The following TFG variants were observed in gnomAD, a reference collection of about 807,000 sequenced individuals.
TFG encodes the protein protein TFG.
A neutral mutation model predicts 51.4 loss-of-function variants in TFG; 22 were observed. The observed-to-expected ratio is 0.43, with a 90% CI of 0.31 to 0.61. The LOEUF is 0.61. Ranked by LOEUF, TFG falls within the 20% of genes least tolerant of loss-of-function variation. TFG has a pLI of 0.12. For missense variants in TFG, 419 were observed against 487.7 expected (o/e 0.86, Z 1.33); for synonymous variants, 187 against 165.6 (o/e 1.13, Z -0.99).
chr3:100,736,863 C>A, intron 6 of TFG, 147 bp downstream of exon 6: 2 of 789,748 alleles, frequency 2.5e-6, no homozygotes, highest in Non-Finnish European at 3.9e-6. Context: ...GTTAAAAAAC[C>A]AAATAGAACA....
intron 6 of TFG, 37 bp from the exon 7 acceptor site, chr3:100,744,796 G>T (rs1270798859): frequency 1.4e-6 from 2 of 1,393,454 alleles, no homozygotes; most frequent in Non-Finnish European, 1.0e-6. Flanking sequence ...CATTAAACAT[G>T]CCTTTTTTCC....
At chr3:100,736,034 G>A (rs2095105366) in intron 5 of TFG, among the ~76,000 whole-genome samples, 1 of 152,132 alleles carries the variant, frequency 6.6e-6, no homozygotes, top group Non-Finnish European at 1.5e-5. Context: ...TTAAATATGT[G>A]AATGTTATAT....
chr3:100,740,116 C>A (rs1239164518), intron 6 of TFG, among the ~76,000 whole-genome samples: 4 of 148,634 alleles, frequency 2.7e-5, no homozygotes, highest in African/African-American at 9.8e-5. Context: ...AAAAAACTTA[C>A]ATGTTTCTAA....
chr3:100,719,891 T>G, intron 2 of TFG, 84 bp from the exon 3 acceptor site: 1 of 814,922 alleles, frequency 1.2e-6, no homozygotes, highest in Non-Finnish European at 1.9e-6. Flanking sequence ...CATTTTGGAT[T>G]TTTAATTTTT....
intron 1 of TFG, among the ~76,000 whole-genome samples, chr3:100,712,227 T>A (rs1450957734): frequency 1.3e-5 from 2 of 152,296 alleles, no homozygotes; most frequent in Middle Eastern, 3.4e-3. Context: ...TGAAGAATAG[T>A]AGGGCATTAA....
At chr3:100,735,753 T>G (rs1331759579) in intron 5 of TFG, among the ~76,000 whole-genome samples, 6 of 152,236 alleles carry the variant, frequency 3.9e-5, no homozygotes, top group African/African-American at 1.4e-4. Flanking sequence ...TCTGTGTTCA[T>G]TATTTTGTAA....
intron 6 of TFG, among the ~76,000 whole-genome samples, chr3:100,740,381 T>C (rs2149091884): frequency 6.6e-6 from 1 of 152,258 alleles, no homozygotes; most frequent in African/African-American, 2.4e-5. Context: ...CATTTGGACT[T>C]CTCCATGGGG....
intron 5 of TFG, among the ~76,000 whole-genome samples, chr3:100,733,437 T>G (rs967493033): frequency 1.3e-5 from 2 of 152,222 alleles, no homozygotes; most frequent in Admixed American, 6.5e-5. Flanking sequence ...ATAGTTTCTG[T>G]TTTTCTGTTG....
rs745478256 is a variant in TFG, at chr3:100,713,738, G to C, written c.53G>C (p.Gly18Ala). Residue 18 changes from glycine (G) to alanine (A), a missense_variant, in exon 2 of 8, where the codon GGG becomes GCG. By Grantham distance (60) the Gly-to-Ala change is moderately conservative. Coordinates refer to ENST00000240851, the MANE Select transcript of TFG (RefSeq NM_006070.6). ...AAGCTAATCATCAAAGCTCAACTTG[G>C]GGAGGATATTCGGCGAATTCCTATT... ...SGKLIIKAQL[G>A]EDIRRIPIHN... 1 of 1,610,810 alleles carries C rather than the reference G, an allele frequency of 6.2e-7. No individual in the cohort carries two copies. The highest frequency in any genetic ancestry group is 8.5e-7 in the Non-Finnish European group (1 of 1,177,982).
At chr3:100,711,590 T>G (rs1301309271) in intron 1 of TFG, among the ~76,000 whole-genome samples, 1 of 152,096 alleles carries the variant, frequency 6.6e-6, no homozygotes, top group Non-Finnish European at 1.5e-5. Flanking sequence ...ATTACAGCTT[T>G]CTTCTCCCAT....
In TFG at chr3:100,720,070, A is replaced by AC. The variant is rs1347584955; in HGVS notation, c.268+13dup. On this transcript the variant is annotated intron_variant, in intron 3 of 7. Coordinates refer to ENST00000240851, the MANE Select transcript of TFG (RefSeq NM_006070.6). Reference sequence around the variant, plus strand: ...ACTGACATTATTTGGTGAGTAGTAAACTTTCTAATGAATTTACTATTTTAT... The same window carrying AC: ...ACTGACATTATTTGGTGAGTAGTAAACCTTTCTAATGAATTTACTATTTTAT... The AC allele has an allele frequency of 6.8e-7, 1 of 1,479,024 alleles. No individual in the cohort carries two copies. Among genetic ancestry groups the AC allele is most frequent in the South Asian group, 1.3e-5 (1 of 76,620 alleles). The allele number at this position is 1,479,024 out of a possible 1,614,324, so 91.6% of individuals were successfully genotyped here. A position where few individuals can be genotyped will look rare whatever the true frequency, so the allele number is the denominator to read the frequency against.
intron 6 of TFG, among the ~76,000 whole-genome samples, chr3:100,739,390 A>G (rs1209247774): frequency 6.6e-6 from 1 of 152,144 alleles, no homozygotes; most frequent in Non-Finnish European, 1.5e-5. Context: ...ATTGAGCATC[A>G]TTAAAAAAAA....
intron 6 of TFG, among the ~76,000 whole-genome samples, chr3:100,736,955 A>C (rs2095108278): frequency 6.6e-6 from 1 of 152,242 alleles, no homozygotes; most frequent in Non-Finnish European, 1.5e-5. Flanking sequence ...ACAGAGTGAA[A>C]GACCAGTCAT....
intron 2 of TFG, 56 bp downstream of exon 2, chr3:100,713,925 GAC>G: frequency 1.1e-6 from 1 of 901,242 alleles, no homozygotes; most frequent in Admixed American, 2.9e-5. Flanking sequence ...AAAAAAAAAA[GAC>G]AGAGCCTCTG....
chr3:100,717,114 C>A (rs2095048545), intron 2 of TFG, among the ~76,000 whole-genome samples: 1 of 152,134 alleles, frequency 6.6e-6, no homozygotes, highest in African/African-American at 2.4e-5. Context: ...TTTTCCCGAC[C>A]TATTAAAGAG....
At chr3:100,731,901 CATTTTAATAAGT>C (rs1045416267) in intron 4 of TFG, among the ~76,000 whole-genome samples, 2 of 152,160 alleles carry the variant, frequency 1.3e-5, no homozygotes, top group Admixed American at 6.5e-5. Flanking sequence ...CATCTGTAAG[CATTTTAATAAGT>C]ATTTTAATAA....
rs921052695 is a variant in TFG at position 100,739,522 on chromosome 3, G to A, written c.721+2806G>A. 2.6e-5 allele frequency among the ~76,000 whole-genome samples: 4 copies of A among 152,232 alleles called. No individual in the cohort carries two copies. In the Middle Eastern group the frequency reaches 0.01, roughly 388 times the overall value. ...AACGCTAAAAATCATCAGAGATCGG[G>A]AGATATTGCTGTTTGACAGCCTAAA... On this transcript the variant is annotated intron_variant, in intron 6 of 7. Coordinates refer to ENST00000240851, the MANE Select transcript of TFG (RefSeq NM_006070.6).
At chr3:100,716,016 A>T (rs147930713) in intron 2 of TFG, among the ~76,000 whole-genome samples, 121 of 152,084 alleles carry the variant, frequency 8.0e-4, no homozygotes, top group African/African-American at 2.9e-3. Flanking sequence ...ATGGGATTAG[A>T]TCAGGGTAAT....
At chr3:100,719,953 C>G (rs755824460) in intron 2 of TFG, 22 bp from the exon 3 acceptor site, 3 of 1,159,254 alleles carry the variant, frequency 2.6e-6, no homozygotes, top group East Asian at 5.9e-5. Context: ...AAAAAACAAC[C>G]TTTTTTTTTT....
Sources: gnomAD v4.1 joint callset for allele counts (sites outside exome capture counted in the v4.1 genomes callset) on GRCh38, gnomAD v4.1.1 for gene constraint, MANE v1.5 for transcripts, NCBI Gene and HGNC (gene_info 2026-07-23, HGNC 2026-07-21) for gene names.